Variants in PATJ observed in about 807,000 individuals in gnomAD.
The protein encoded by PATJ is inaD-like protein.
A neutral mutation model predicts 224.9 loss-of-function variants in PATJ; 190 were observed. The ratio of observed to expected loss-of-function variants is 0.84; its 90% confidence interval spans 0.75 to 0.95. The LOEUF (loss-of-function observed/expected upper bound fraction) is 0.95. PATJ is among the 40% of genes least tolerant of loss of function. The pLI is 0.00. For missense variants in PATJ, 2,121 were observed against 2,270.3 expected, an observed-to-expected ratio of 0.93 and a Z score of 1.34; for synonymous variants, 769 against 820.3, an observed-to-expected ratio of 0.94 and a Z score of 1.07.
intron 27 of PATJ, among the ~76,000 whole-genome samples, chr1:61,965,058 C>T (rs1029903866): frequency 1.2e-4 from 15 of 126,760 alleles, no homozygotes; most frequent in South Asian, 5.2e-4. Context: ...GCTGCAGTGA[C>T]GTGAGCTGAG....
intron 20 of PATJ, among the ~76,000 whole-genome samples, chr1:61,873,488 A>G (rs4518937): frequency 0.27 from 40,946 of 152,192 alleles, 6,407 homozygotes; most frequent in East Asian, 0.72. Flanking sequence ...TTTAAAATAT[A>G]AAAAGATACT....
At chr1:61,757,714 C>A (rs564822526) in intron 1 of PATJ, among the ~76,000 whole-genome samples, 102 of 152,152 alleles carry the variant, frequency 6.7e-4, no homozygotes, top group Non-Finnish European at 1.4e-3. Context: ...AAAATTAATA[C>A]CTGCAGCATT....
At chr1:62,059,384 G>T (rs996012871) in intron 31 of PATJ, among the ~76,000 whole-genome samples, 4 of 152,144 alleles carry the variant, frequency 2.6e-5, no homozygotes, top group Non-Finnish European at 5.9e-5. Flanking sequence ...AATTTTGGGA[G>T]GCTGAGGTGG....
At chr1:62,057,851 G>A (rs931335701) in intron 31 of PATJ, among the ~76,000 whole-genome samples, 4 of 152,194 alleles carry the variant, frequency 2.6e-5, no homozygotes, top group African/African-American at 7.2e-5. Context: ...GAGCCCAAGA[G>A]AACTGTGTTA....
intron 41 of PATJ, among the ~76,000 whole-genome samples, chr1:62,134,884 CA>C (rs1039704719): frequency 2.6e-5 from 4 of 152,034 alleles, no homozygotes; most frequent in Non-Finnish European, 5.9e-5. Flanking sequence ...CAAATCAGCA[CA>C]GTTACCAATG....
intron 43 of PATJ, among the ~76,000 whole-genome samples, chr1:62,155,747 G>A (rs970024272): frequency 1.2e-4 from 18 of 150,600 alleles, no homozygotes; most frequent in African/African-American, 2.9e-4. Context: ...CCCACTTAGC[G>A]CAGTCAGTCT....
At chr1:62,076,245 C>A (rs1658283784) in intron 31 of PATJ, among the ~76,000 whole-genome samples, 1 of 151,640 alleles carries the variant, frequency 6.6e-6, no homozygotes. Context: ...AAACAAAAAA[C>A]AAAAAAAACC....
At chr1:61,972,626 A>G (rs987844306) in intron 27 of PATJ, among the ~76,000 whole-genome samples, 1 of 152,086 alleles carries the variant, frequency 6.6e-6, no homozygotes, top group Non-Finnish European at 1.5e-5. Context: ...GACACTCTCT[A>G]TAAGAAATAA....
rs1244501683 is a variant in PATJ, at chr1:62,140,890, G to A, written c.5272-7394G>A. ...CACCACTGCACTCCACCCTGGGTGAGAGAGCAAGACCTCATCTCTAAAAAT... is the reference window on the plus strand; with the variant it reads ...CACCACTGCACTCCACCCTGGGTGAAAGAGCAAGACCTCATCTCTAAAAAT... On this transcript the variant is annotated intron_variant, in intron 41 of 43. Transcript: ENST00000642238. Among the ~76,000 whole-genome samples the A allele has an allele frequency of 1.3e-5, 2 of 151,862 alleles. 1 individual carries two copies. Among genetic ancestry groups the A allele is most frequent in the Non-Finnish European group, 2.9e-5 (2 of 67,980 alleles).
intron 17 of PATJ, among the ~76,000 whole-genome samples, chr1:61,835,983 T>C (rs534143512): frequency 1.1e-4 from 16 of 152,330 alleles, no homozygotes; most frequent in African/African-American, 3.6e-4. Flanking sequence ...ATGGTTGCTC[T>C]GATGCTCTTA....
intron 27 of PATJ, among the ~76,000 whole-genome samples, chr1:61,944,474 C>T (rs1304881046): frequency 6.6e-6 from 1 of 152,060 alleles, no homozygotes; most frequent in Non-Finnish European, 1.5e-5. Flanking sequence ...GAAAGGGTAT[C>T]AGTGATTGAA....
intron 27 of PATJ, among the ~76,000 whole-genome samples, chr1:61,968,713 C>T (rs1468411788): frequency 6.6e-6 from 1 of 152,096 alleles, no homozygotes; most frequent in Non-Finnish European, 1.5e-5. Flanking sequence ...TCCCCGCTCC[C>T]ACCACCCCAC....
intron 31 of PATJ, among the ~76,000 whole-genome samples, chr1:62,054,014 A>G (rs1320567770): frequency 6.6e-6 from 1 of 152,174 alleles, no homozygotes; most frequent in Non-Finnish European, 1.5e-5. Context: ...GATAGACAGT[A>G]CATCAATTAG....
intron 7 of PATJ, among the ~76,000 whole-genome samples, chr1:61,786,858 C>T (rs141609755): frequency 1.5e-3 from 226 of 152,014 alleles, no homozygotes; most frequent in African/African-American, 5.3e-3. Context: ...TGGTGGTGCG[C>T]GCCTGTAATC....
chr1:62,017,855 G>A lies in PATJ; in HGVS notation c.3868-1G>A. The A allele has an allele frequency of 6.3e-7, 1 of 1,584,252 alleles. No individual in the cohort carries two copies. The highest frequency in any genetic ancestry group is 2.2e-5 in the East Asian group (1 of 44,666). On this transcript the variant is annotated splice_acceptor_variant, in intron 28 of 43. Coordinates refer to ENST00000642238, the MANE Select transcript of PATJ (RefSeq NM_001350145.3). LOFTEE classifies it high-confidence loss of function. ...AGTACATTGTGGTTTTTCCCAAACAGATAAACAATCAGATTCTGTATGGAA... is the reference window on the plus strand; with the variant it reads ...AGTACATTGTGGTTTTTCCCAAACAAATAAACAATCAGATTCTGTATGGAA...
chr1:62,121,016 G>A, intron 37 of PATJ, 165 bp from the exon 38 acceptor site: 1 of 526,610 alleles, frequency 1.9e-6, no homozygotes, highest in Non-Finnish European at 3.4e-6. Flanking sequence ...GGTTGAGGTA[G>A]TAAGAGAATA....
intron 17 of PATJ, among the ~76,000 whole-genome samples, chr1:61,848,335 T>C (rs1250886449): frequency 2.6e-5 from 4 of 152,214 alleles, no homozygotes; most frequent in Non-Finnish European, 5.9e-5. Flanking sequence ...CTGTCTCTTA[T>C]ATATCTTTTC....
At chr1:61,868,516 T>C (rs1400781162) in intron 20 of PATJ, among the ~76,000 whole-genome samples, 1 of 152,176 alleles carries the variant, frequency 6.6e-6, no homozygotes, top group East Asian at 1.9e-4. Flanking sequence ...AGGCCGGGCA[T>C]GGTGGCTCAT....
chr1:61,778,148 G>A (rs1159939566), intron 7 of PATJ, among the ~76,000 whole-genome samples: 1 of 152,024 alleles, frequency 6.6e-6, no homozygotes, highest in Non-Finnish European at 1.5e-5. Context: ...CCAAAGTGCT[G>A]GAATTACAGG....
Sources: allele counts gnomAD v4.1 joint callset (sites outside exome capture counted in the v4.1 genomes callset), GRCh38; gene constraint gnomAD v4.1.1; transcripts MANE v1.5; gene names NCBI Gene and HGNC (gene_info 2026-07-23, HGNC 2026-07-21).